Variants in USH2A observed in about 807,000 individuals in gnomAD.
USH2A encodes the protein usherin.
Under a neutral mutation model 538.9 loss-of-function variants are expected in USH2A, and 443 were observed. The observed-to-expected ratio is 0.82, with a 90% CI of 0.76 to 0.89. USH2A has a LOEUF of 0.89. USH2A is among the 40% of genes least tolerant of loss of function. The probability of loss-of-function intolerance (pLI) is 0.00; values close to 1 mark genes in which losing one functional copy is unlikely to be tolerated. For synonymous variants in USH2A, 2,413 were observed against 2,273.5 expected (o/e 1.06, Z -1.75); for missense variants, 6,633 against 6,324.8 (o/e 1.05, Z -1.65).
At chr1:215,806,088 T>C (rs1417546698) in intron 49 of USH2A, among the ~76,000 whole-genome samples, 3 of 149,626 alleles carry the variant, frequency 2.0e-5, no homozygotes, top group Admixed American at 1.3e-4. Flanking sequence ...AGTGAGAAAT[T>C]TCTATGCAAT....
intron 31 of USH2A, among the ~76,000 whole-genome samples, chr1:216,048,020 G>A (rs1266086576): frequency 1.3e-5 from 2 of 152,146 alleles, no homozygotes; most frequent in African/African-American, 4.8e-5. Flanking sequence ...GACTTAAGTT[G>A]GAAGGAACTA....
chr1:216,246,609 T>C lies in USH2A; in HGVS notation c.2785A>G (p.Arg929Gly). 4.3e-6 allele frequency: 7 copies of C among 1,614,050 alleles called. No individual in the cohort carries two copies. Among genetic ancestry groups the C allele is most frequent in the Non-Finnish European group, 5.9e-6 (7 of 1,179,940 alleles). ...QCLCVPNRQG[R>G]RCNQCQPGFY... Reference sequence around the variant, plus strand: ...CCTGGTTGACACTGATTACACCTTCTTCCTTGACGATTAGGCACACACAGG... The same window carrying C: ...CCTGGTTGACACTGATTACACCTTCCTCCTTGACGATTAGGCACACACAGG... Residue 929 changes from arginine (R) to glycine (G), a missense_variant, in exon 13 of 72, where the codon AGA becomes GGA. Coordinates refer to ENST00000307340, the MANE Select transcript of USH2A (RefSeq NM_206933.4).
intron 47 of USH2A, among the ~76,000 whole-genome samples, chr1:215,824,830 C>T (rs1389381787): frequency 6.6e-6 from 1 of 152,142 alleles, no homozygotes; most frequent in Non-Finnish European, 1.5e-5. Flanking sequence ...ATATTTTCCA[C>T]AAGCGTGGTG....
In USH2A at chr1:215,640,573, T is replaced by G. The variant is rs761050764; in HGVS notation, c.14953A>C (p.Arg4985=). The change falls in exon 68 of 72, where the codon AGA becomes CGA. Residue 4985 remains arginine (R), a synonymous_variant. Coordinates refer to ENST00000307340, the MANE Select transcript of USH2A (RefSeq NM_206933.4). ...AGAAACTAACTTTTGTCCGCCGTTC[T>G]CGGTATGTAGAGGGTGGTGTCCAAG... ...SGLDTTLYIP[R]TADKTFFFQV... 1 of 1,613,812 alleles carries G rather than the reference T, an allele frequency of 6.2e-7. No individual in the cohort carries two copies. The highest frequency in any genetic ancestry group is 1.1e-5 in the South Asian group (1 of 91,026).
intron 25 of USH2A, among the ~76,000 whole-genome samples, chr1:216,084,297 G>A (rs2102560570): frequency 1.3e-5 from 2 of 152,194 alleles, no homozygotes; most frequent in East Asian, 1.9e-4. Context: ...TAAGAACATT[G>A]TTCTTCTATA....
At chr1:216,292,504 A>G in intron 9 of USH2A, 134 bp from the exon 10 acceptor site, 1 of 999,862 alleles carries the variant, frequency 1.0e-6, no homozygotes. Flanking sequence ...TTTATTTGAA[A>G]AATATTTCGT....
intron 55 of USH2A, among the ~76,000 whole-genome samples, chr1:215,776,264 C>T (rs7549052): frequency 0.11 from 17,273 of 152,210 alleles, 1,077 homozygotes; most frequent in Non-Finnish European, 0.13. Flanking sequence ...GCTACTCCTT[C>T]GTCCCCATGG....
chr1:215,850,587 A>G (rs1357303941), intron 44 of USH2A, among the ~76,000 whole-genome samples: 1 of 152,158 alleles, frequency 6.6e-6, no homozygotes, highest in Non-Finnish European at 1.5e-5. Context: ...GGGCAACATA[A>G]TAATAGCAGG....
chr1:216,414,175 C>T (rs1281640349), intron 3 of USH2A, among the ~76,000 whole-genome samples: 1 of 151,930 alleles, frequency 6.6e-6, no homozygotes, highest in East Asian at 1.9e-4. Context: ...ATAATAAAAA[C>T]TATGAATTGA....
intron 61 of USH2A, among the ~76,000 whole-genome samples, chr1:215,727,700 G>T (rs919183941): frequency 6.6e-6 from 1 of 151,630 alleles, no homozygotes; most frequent in African/African-American, 2.4e-5. Context: ...ACTCCAGTTT[G>T]GGTGACAGAA....
At chr1:215,880,939 G>T (rs927943447) in intron 41 of USH2A, among the ~76,000 whole-genome samples, 5 of 152,048 alleles carry the variant, frequency 3.3e-5, no homozygotes, top group African/African-American at 1.2e-4. Context: ...TTTGTATAAG[G>T]TATAAAAATA....
intron 36 of USH2A, among the ~76,000 whole-genome samples, chr1:215,969,384 T>G (rs565467843): frequency 6.6e-6 from 1 of 152,308 alleles, no homozygotes; most frequent in East Asian, 1.9e-4. Flanking sequence ...AGCTACTGTC[T>G]GTGCAGGATG....
intron 37 of USH2A, among the ~76,000 whole-genome samples, chr1:215,957,773 C>T (rs1020714991): frequency 5.3e-5 from 8 of 152,084 alleles, no homozygotes; most frequent in Admixed American, 6.6e-5. Context: ...TAACTCATTA[C>T]GGGAAAATGA....
rs199939890 is a variant in USH2A at position 216,323,485 on chromosome 1, G to A, written c.1539C>T (p.Thr513=). The A allele has an allele frequency of 1.2e-4, 192 of 1,613,188 alleles. 2 individuals are homozygous for A. The highest frequency in any genetic ancestry group is 2.6e-5 in the Non-Finnish European group (31 of 1,179,604). ...RHRYYAVDEI[T]ISGRCQCHGH... ...ATTCATAATAATACCTCCCACTAAT[G>A]GTGATTTCGTCCACTGCATAATATC... The change falls in exon 8 of 72, where the codon ACC becomes ACT. Residue 513 remains threonine, a synonymous_variant. Coordinates refer to ENST00000307340, the MANE Select transcript of USH2A (RefSeq NM_206933.4).
At chr1:215,689,796 TA>T (rs1658544372) in intron 61 of USH2A, among the ~76,000 whole-genome samples, 1 of 152,142 alleles carries the variant, frequency 6.6e-6, no homozygotes, top group South Asian at 2.1e-4. Flanking sequence ...AGATTGGAAG[TA>T]AATGTTTCTC....
intron 4 of USH2A, among the ~76,000 whole-genome samples, chr1:216,334,671 T>C (rs1330857546): frequency 1.3e-5 from 2 of 151,866 alleles, no homozygotes; most frequent in Non-Finnish European, 2.9e-5. Context: ...AAAAGAGAGC[T>C]TGAGCTCCTA....
intron 12 of USH2A, among the ~76,000 whole-genome samples, chr1:216,250,565 T>C (rs1054290631): frequency 3.3e-5 from 5 of 152,206 alleles, no homozygotes; most frequent in Non-Finnish European, 7.4e-5. Flanking sequence ...ACTCATTAAG[T>C]GTAAAACATT....
At chr1:216,170,822 C>T (rs761190201) in intron 21 of USH2A, among the ~76,000 whole-genome samples, 13 of 151,862 alleles carry the variant, frequency 8.6e-5, no homozygotes, top group East Asian at 3.9e-4. Flanking sequence ...CTGAAAAAAA[C>T]GAGCATGATT....
At chr1:215,727,980 C>A (rs768178156) in intron 61 of USH2A, 50 bp downstream of exon 61, 2 of 1,574,360 alleles carry the variant, frequency 1.3e-6, no homozygotes, top group Non-Finnish European at 1.7e-6. Context: ...TTAATTTCAA[C>A]GTATTCACCA....
Sources: allele counts gnomAD v4.1 joint callset (sites outside exome capture counted in the v4.1 genomes callset), GRCh38; gene constraint gnomAD v4.1.1; transcripts MANE v1.5; gene names NCBI Gene and HGNC (gene_info 2026-07-23, HGNC 2026-07-21).